The following CTNNAL1 variants were observed in gnomAD, a reference collection of about 807,000 sequenced individuals.
The protein encoded by CTNNAL1 is catenin alpha like 1, also known as alpha-catulin.
Under a neutral mutation model 93.6 loss-of-function variants are expected in CTNNAL1, and 69 were observed. The ratio of observed to expected loss-of-function variants is 0.74; its 90% confidence interval spans 0.61 to 0.90. The LOEUF (loss-of-function observed/expected upper bound fraction) is 0.90, where lower values mean the gene tolerates loss of function less well. CTNNAL1 is among the 40% of genes least tolerant of loss of function. The pLI is 0.00. For missense variants in CTNNAL1, 836 were observed against 862.0 expected, an observed-to-expected ratio of 0.97 and a Z score of 0.38; for synonymous variants, 286 against 305.4, an observed-to-expected ratio of 0.94 and a Z score of 0.66.
rs1564148788 is a variant in CTNNAL1, at chr9:108,999,185, T to C, written c.213A>G (p.Val71=). 1.2e-6 allele frequency: 2 copies of C among 1,613,446 alleles called. No homozygotes were observed. The highest frequency in any genetic ancestry group is 2.7e-5 in the African/African-American group (2 of 74,928). ...CAACTGCCAAGTTGACAGCTTGTCC[T>C]ACACGCTGAATTGCTTGCAGAGTTT... ...SDKTLQAIQR[V]GQAVNLAVGR... is the part of the protein sequence containing the mutation. Residue 71 remains valine (V), a synonymous_variant, in exon 2 of 19, where the codon GTA becomes GTG. Coordinates refer to ENST00000325551, the MANE Select transcript of CTNNAL1 (RefSeq NM_003798.4).
Position 109,011,010 on chromosome 9 carries a change from A to G in CTNNAL1, c.141+2292T>C, listed in dbSNP as rs528125102. On this transcript the variant is annotated intron_variant, in intron 1 of 18. Transcript: ENST00000325551. Reference sequence around the variant, plus strand: ...AAACAGCAACAAATAAGCACACAATAAATCCTTGCTTAAAATGCTTAAAAT... The same window carrying G: ...AAACAGCAACAAATAAGCACACAATGAATCCTTGCTTAAAATGCTTAAAAT... 1.3e-4 allele frequency among the ~76,000 whole-genome samples: 20 copies of G among 152,364 alleles called. No individual in the cohort carries two copies. In the South Asian group the frequency reaches 4.1e-3, roughly 32 times the overall value.
At chr9:109,010,186 C>A (rs1039896488) in intron 1 of CTNNAL1, among the ~76,000 whole-genome samples, 3 of 152,100 alleles carry the variant, frequency 2.0e-5, no homozygotes, top group Non-Finnish European at 4.4e-5. Context: ...ATTACAGGCA[C>A]CAGCCAGTGC....
chr9:108,983,571 GA>G (rs1333618928), intron 5 of CTNNAL1, among the ~76,000 whole-genome samples: 1 of 152,018 alleles, frequency 6.6e-6, no homozygotes, highest in Non-Finnish European at 1.5e-5. Context: ...AATTTTTTAG[GA>G]AAAAATCTCT....
At chr9:108,956,639 A>G (rs894918612) in intron 11 of CTNNAL1, among the ~76,000 whole-genome samples, 4 of 152,262 alleles carry the variant, frequency 2.6e-5, no homozygotes, top group Non-Finnish European at 5.9e-5. Flanking sequence ...TTGAAATTTC[A>G]TATGGTCCAA....
At chr9:108,955,951 TC>T in intron 11 of CTNNAL1, 124 bp from the exon 12 acceptor site, 2 of 574,330 alleles carry the variant, frequency 3.5e-6, no homozygotes, top group Non-Finnish European at 5.8e-6. Context: ...TTGATAACAG[TC>T]TATTCATTAC....
In CTNNAL1 at chr9:108,942,970, C is replaced by T; in HGVS notation, c.2130G>A (p.Leu710=). The change falls in exon 18 of 19, where the codon CTG becomes CTA. Residue 710 remains leucine, a synonymous_variant. Coordinates refer to ENST00000325551, the MANE Select transcript of CTNNAL1 (RefSeq NM_003798.4). Reference sequence around the variant, plus strand: ...AGAAAAACTACCTCACCTTCTTCAGCAGTTTATAACAAAGTGAAAGAAGTT... The same window carrying T: ...AGAAAAACTACCTCACCTTCTTCAGTAGTTTATAACAAAGTGAAAGAAGTT... ...LVQLLSLCYK[L]LKKLQMENNG... is the part of the protein sequence containing the mutation. 6.2e-7 allele frequency: 1 copy of T among 1,612,258 alleles called. No homozygotes were observed. The highest frequency in any genetic ancestry group is 8.5e-7 in the Non-Finnish European group (1 of 1,179,550).
chr9:108,989,632 C>T (rs1030414800), intron 4 of CTNNAL1, among the ~76,000 whole-genome samples: 6 of 152,238 alleles, frequency 3.9e-5, no homozygotes, highest in Non-Finnish European at 5.9e-5. Flanking sequence ...TATATTTAAC[C>T]TGCCAACAAG....
chr9:108,990,567 A>T (rs1047450351), intron 4 of CTNNAL1, among the ~76,000 whole-genome samples, 159 bp downstream of exon 4: 8 of 152,230 alleles, frequency 5.3e-5, no homozygotes, highest in Non-Finnish European at 1.0e-4. Context: ...ATATAGATCT[A>T]CTTACTTTAT....
intron 4 of CTNNAL1, 127 bp from the exon 5 acceptor site, chr9:108,984,563 A>G (rs1219348434): frequency 1.8e-5 from 10 of 556,354 alleles, no homozygotes; most frequent in Non-Finnish European, 3.1e-5. Flanking sequence ...AAAAAAAAAA[A>G]CCAGGATAAA....
intron 15 of CTNNAL1, among the ~76,000 whole-genome samples, chr9:108,945,827 G>C (rs769813354): frequency 1.3e-5 from 2 of 152,102 alleles, no homozygotes; most frequent in Non-Finnish European, 2.9e-5. Flanking sequence ...ATCTGCAGAT[G>C]CAAAACCTGC....
In CTNNAL1 at chr9:108,979,320, T is replaced by C. The variant is rs750023659; in HGVS notation, c.1062A>G (p.Arg354=). 3.1e-6 allele frequency: 5 copies of C among 1,614,176 alleles called. No homozygotes were observed. In the Admixed American group the frequency reaches 5.0e-5, roughly 16 times the overall value. Residue 354 remains arginine (R), a synonymous_variant, in exon 7 of 19, where the codon AGA becomes AGG. Transcript: ENST00000325551. The part of the protein sequence containing the change: ...ERILELSTQA[R]MELQQLISVW... ...CAGAAATTAACTGCTGCAGTTCCAT[T>C]CTCGCCTGAGTTGACAGTTCCAAGA...
intron 4 of CTNNAL1, 122 bp downstream of exon 4, chr9:108,990,604 A>G: frequency 8.1e-7 from 1 of 1,237,420 alleles, no homozygotes; most frequent in Non-Finnish European, 1.1e-6. Flanking sequence ...AAGGCTTTCA[A>G]GACCAAGGCT....
At chr9:108,989,761 T>A (rs1831729238) in intron 4 of CTNNAL1, among the ~76,000 whole-genome samples, 1 of 152,122 alleles carries the variant, frequency 6.6e-6, no homozygotes, top group Non-Finnish European at 1.5e-5. Context: ...CATAAGGAAC[T>A]AATATTGGCT....
intron 1 of CTNNAL1, among the ~76,000 whole-genome samples, chr9:109,003,755 C>T (rs1262910979): frequency 6.6e-6 from 1 of 152,142 alleles, no homozygotes; most frequent in Non-Finnish European, 1.5e-5. Context: ...AGAAGTCTCT[C>T]CTGGATCATA....
chr9:108,983,249 T>C lies in CTNNAL1; in HGVS notation c.796A>G (p.Lys266Glu), dbSNP rs1046196389. 6.3e-7 allele frequency: 1 copy of C among 1,598,162 alleles called. No individual in the cohort carries two copies. ...KNKEGVFDRM[K>E]VALDKVIEIV... ...TCAATGACCTTATCCAATGCCACTT[T>C]CATACGGTCAAATACTCCTTCTTTG... The change falls in exon 6 of 19, where the codon AAA becomes GAA. Residue 266 changes from lysine to glutamate, a missense_variant. Physicochemically the swap from Lys to Glu is moderately conservative, Grantham distance 56. Transcript: ENST00000325551.
intron 11 of CTNNAL1, chr9:108,963,617 C>A (rs1041590783): frequency 2.0e-5 from 3 of 152,210 alleles, no homozygotes; most frequent in Non-Finnish European, 4.4e-5. Flanking sequence ...ACGTGGAACA[C>A]GTTTACAAGT....
At chr9:108,944,688 A>G (rs935561487) in intron 15 of CTNNAL1, among the ~76,000 whole-genome samples, 1 of 152,186 alleles carries the variant, frequency 6.6e-6, no homozygotes, top group Admixed American at 6.5e-5. Flanking sequence ...CCAGGGGAGT[A>G]AAGGGAGGAA....
At chr9:108,966,629 A>ATGT (rs1830961235) in intron 10 of CTNNAL1, among the ~76,000 whole-genome samples, 1 of 152,206 alleles carries the variant, frequency 6.6e-6, no homozygotes, top group Admixed American at 6.5e-5. Flanking sequence ...ACATACCATT[A>ATGT]ATCAGGACTT....
At chr9:108,948,309 T>G (rs1261309288) in intron 14 of CTNNAL1, 75 bp from the exon 15 acceptor site, 4 of 1,410,074 alleles carry the variant, frequency 2.8e-6, no homozygotes, top group Non-Finnish European at 2.9e-6. Flanking sequence ...ATTAAAATTT[T>G]AGAGCATTTG....
Sources: gnomAD v4.1 joint callset for allele counts (sites outside exome capture counted in the v4.1 genomes callset) on GRCh38, gnomAD v4.1.1 for gene constraint, MANE v1.5 for transcripts, NCBI Gene and HGNC (gene_info 2026-07-23, HGNC 2026-07-21) for gene names.